Variants in PDE1A observed in about 807,000 individuals in gnomAD.
PDE1A encodes phosphodiesterase 1A, also known as dual specificity calcium/calmodulin-dependent 3',5'-cyclic nucleotide phosphodiesterase 1A.
In PDE1A, 35 loss-of-function variants were observed where a neutral mutation model predicts 61.7. The observed-to-expected ratio is 0.57, with a 90% CI of 0.43 to 0.75. The LOEUF (loss-of-function observed/expected upper bound fraction) is 0.75, where lower values mean the gene tolerates loss of function less well. PDE1A is among the 30% of genes least tolerant of loss of function. PDE1A has a pLI of 0.00. For missense variants in PDE1A, 597 were observed against 630.6 expected, an observed-to-expected ratio of 0.95 and a Z score of 0.57; for synonymous variants, 232 against 213.2, an observed-to-expected ratio of 1.09 and a Z score of -0.77.
chr2:182,305,409 G>A (rs548257033), intron 1 of PDE1A, among the ~76,000 whole-genome samples: 3 of 151,946 alleles, frequency 2.0e-5, no homozygotes, highest in South Asian at 4.2e-4. Flanking sequence ...ATAAATAGAT[G>A]AGCCTGTGTT....
the PDE1A span, among the ~76,000 whole-genome samples, chr2:182,650,623 T>G: frequency 6.6e-6 from 1 of 152,176 alleles, no homozygotes; most frequent in African/African-American, 2.4e-5. Context: ...AAAATGACAG[T>G]AGTAGTAATA....
the PDE1A span, among the ~76,000 whole-genome samples, chr2:182,663,208 A>G: frequency 6.6e-6 from 1 of 152,204 alleles, no homozygotes; most frequent in Non-Finnish European, 1.5e-5. Flanking sequence ...TGCAGAGAAA[A>G]AGGAACACTT....
intron 13 of PDE1A, among the ~76,000 whole-genome samples, chr2:182,150,256 C>T (rs1478137078): frequency 6.6e-6 from 1 of 152,186 alleles, no homozygotes; most frequent in Admixed American, 6.5e-5. Context: ...TTCTGACCCT[C>T]TCTATATAAC....
At chr2:182,379,397 G>C (rs1364576121) in intron 1 of PDE1A, among the ~76,000 whole-genome samples, 1 of 152,166 alleles carries the variant, frequency 6.6e-6, no homozygotes, top group Non-Finnish European at 1.5e-5. Context: ...CAAGCCTCTA[G>C]GAGAGATCAT....
chr2:182,640,217 T>C, the PDE1A span, among the ~76,000 whole-genome samples: 1 of 152,210 alleles, frequency 6.6e-6, no homozygotes, highest in African/African-American at 2.4e-5. Context: ...CCACAAGCCT[T>C]CTTGAGGAAA....
At chr2:182,700,721 C>CAAAAAAAAAAAAAAAAAAA in the PDE1A span, among the ~76,000 whole-genome samples, 50 of 23,970 alleles carry the variant, frequency 2.1e-3, 4 homozygotes, top group East Asian at 0.013. Flanking sequence ...GACTCCATCT[C>CAAAAAAAAAAAAAAAAAAA]AAAAAAAAAA....
At chr2:182,486,334 A>G (rs759675875) in intron 2 of PDE1A, among the ~76,000 whole-genome samples, 3 of 152,098 alleles carry the variant, frequency 2.0e-5, no homozygotes, top group Non-Finnish European at 4.4e-5. Context: ...TTATATGTTT[A>G]TGATGAAGAC....
At chr2:182,171,484 A>G (rs1692206441) in intron 13 of PDE1A, among the ~76,000 whole-genome samples, 1 of 151,942 alleles carries the variant, frequency 6.6e-6, no homozygotes, top group African/African-American at 2.4e-5. Context: ...TTTTAGAAGC[A>G]GAATGAGAAG....
chr2:182,288,525 T>G, intron 1 of PDE1A, among the ~76,000 whole-genome samples: 1 of 152,108 alleles, frequency 6.6e-6, no homozygotes, highest in East Asian at 1.9e-4. Context: ...GCATAGCAGA[T>G]TCTGGCAAAT....
intron 7 of PDE1A, among the ~76,000 whole-genome samples, chr2:182,214,215 G>A (rs1474655728): frequency 6.6e-6 from 1 of 151,554 alleles, no homozygotes. Flanking sequence ...AGCAAATGCT[G>A]AGAGATTTTG....
At chr2:182,507,552 T>A (rs895317779) in intron 2 of PDE1A, among the ~76,000 whole-genome samples, 25 of 152,146 alleles carry the variant, frequency 1.6e-4, no homozygotes, top group African/African-American at 5.5e-4. Context: ...TTTGATTGTG[T>A]CACATTTGGT....
intron 2 of PDE1A, among the ~76,000 whole-genome samples, chr2:182,244,987 G>T (rs1864851): frequency 0.74 from 111,962 of 152,118 alleles, 41,921 homozygotes; most frequent in African/African-American, 0.88. Flanking sequence ...GCCTTTGAGA[G>T]CTTCATCTGC....
At chr2:182,444,084 C>T (rs1002246029) in intron 2 of PDE1A, among the ~76,000 whole-genome samples, 1 of 152,148 alleles carries the variant, frequency 6.6e-6, no homozygotes, top group Non-Finnish European at 1.5e-5. Flanking sequence ...GGCTAGGTCT[C>T]TCAAAATCTC....
intron 11 of PDE1A, 113 bp downstream of exon 11, chr2:182,188,866 T>A: frequency 1.5e-6 from 1 of 674,280 alleles, no homozygotes; most frequent in Non-Finnish European, 2.7e-6. Flanking sequence ...AAATATATCA[T>A]GAATATGGAG....
intron 1 of PDE1A, among the ~76,000 whole-genome samples, chr2:182,376,272 G>T (rs934522919): frequency 1.3e-5 from 2 of 152,082 alleles, no homozygotes; most frequent in African/African-American, 4.8e-5. Flanking sequence ...TTTTAAAATT[G>T]AATGCCTTTA....
chr2:182,480,620 GATATT>G (rs1687642165), intron 2 of PDE1A, among the ~76,000 whole-genome samples: 1 of 151,908 alleles, frequency 6.6e-6, no homozygotes, highest in Non-Finnish European at 1.5e-5. Context: ...CATTGTATTG[GATATT>G]ATAAGTAACT....
the PDE1A span, among the ~76,000 whole-genome samples, chr2:182,540,383 AAAGC>A: frequency 9.6e-5 from 7 of 72,754 alleles, no homozygotes; most frequent in Admixed American, 2.5e-4. Context: ...AAAAAAAAAA[AAAGC>A]AGCAGCAGCA....
At chr2:182,577,034 C>A in the PDE1A span, among the ~76,000 whole-genome samples, 6 of 152,116 alleles carry the variant, frequency 3.9e-5, no homozygotes, top group African/African-American at 1.4e-4. Context: ...CCATGAGTTG[C>A]TTTCTCTATT....
chr2:182,441,213 A>G (rs1466074919), intron 2 of PDE1A, among the ~76,000 whole-genome samples: 1 of 152,054 alleles, frequency 6.6e-6, no homozygotes, highest in Non-Finnish European at 1.5e-5. Flanking sequence ...AACCACCCCC[A>G]TGATTCAATT....
Sources: allele counts gnomAD v4.1 joint callset (sites outside exome capture counted in the v4.1 genomes callset), GRCh38; gene constraint gnomAD v4.1.1; transcripts MANE v1.5; gene names NCBI Gene and HGNC (gene_info 2026-07-23, HGNC 2026-07-21).